Variants in ERBB3 observed in about 807,000 individuals in gnomAD.
ERBB3 encodes the protein erb-b2 receptor tyrosine kinase 3, also known as receptor tyrosine-protein kinase erbB-3.
ERBB3 carries 96 observed loss-of-function variants against 156.7 expected under a neutral mutation model. The ratio of observed to expected loss-of-function variants is 0.61; its 90% CI spans 0.52 to 0.73. ERBB3 has a LOEUF of 0.73. Ranked by LOEUF, ERBB3 falls within the 30% of genes least tolerant of loss-of-function variation. The pLI, the probability that ERBB3 is intolerant of heterozygous loss-of-function variation, is 0.00. For missense variants in ERBB3, 1,406 were observed against 1,709.4 expected, an observed-to-expected ratio of 0.82 and a Z score of 3.13; for synonymous variants, 567 against 632.0, an observed-to-expected ratio of 0.90 and a Z score of 1.54.
At chr12:56,096,077 T>C (rs1363431051) in intron 17 of ERBB3, 4 of 555,726 alleles carry the variant, frequency 7.2e-6, no homozygotes, top group African/African-American at 5.6e-5. Flanking sequence ...AAGTTACTTA[T>C]CTTCTCTGTG....
At chr12:56,089,064 A>G (rs767623719) in intron 9 of ERBB3, 196 bp downstream of exon 9, 67 of 701,900 alleles carry the variant, frequency 9.5e-5, no homozygotes, top group Non-Finnish European at 1.5e-4. Flanking sequence ...ATCTTTGAGC[A>G]ATTCAATATC....
chr12:56,085,206 G>A, intron 3 of ERBB3, 25 bp downstream of exon 3: 1 of 1,614,106 alleles, frequency 6.2e-7, no homozygotes, highest in Non-Finnish European at 8.5e-7. Flanking sequence ...GTTCCTTCTG[G>A]CCTCACCCCT....
Position 56,088,590 on chromosome 12 carries a change from G to A in ERBB3, c.922G>A (p.Asp308Asn), listed in dbSNP as rs2136797175. The A allele has an allele frequency of 6.2e-7, 1 of 1,614,112 alleles. No individual in the cohort carries two copies. The highest frequency in any genetic ancestry group is 1.1e-5 in the South Asian group (1 of 91,050). ...ATCCTGTGTCAGGGCCTGTCCTCCT[G>A]ACAAGATGGAAGTAGATAAAAATGG... is the stretch of plus-strand genomic sequence containing the variant. ...QTSCVRACPP[D>N]KMEVDKNGLK... Residue 308 changes from aspartate to asparagine, a missense_variant, in exon 8 of 28, where the codon GAC becomes AAC. Asp to Asn is a conservative substitution (Grantham distance 23, BLOSUM62 1). This residue lies in a region of ERBB3 where 979 missense variants were observed against 1,219.6 expected (regional missense o/e 0.80). Transcript: ENST00000267101.
chr12:56,091,249 A>G (rs1464126379), intron 9 of ERBB3, among the ~76,000 whole-genome samples: 2 of 30,194 alleles, frequency 6.6e-5, no homozygotes, highest in African/African-American at 3.2e-4. Context: ...GGTGCATGCC[A>G]CCATGCTTGG....
At chr12:56,088,919 A>C (rs1868576918) in intron 9 of ERBB3, 51 bp downstream of exon 9, 1 of 1,612,146 alleles carries the variant, frequency 6.2e-7, no homozygotes. Flanking sequence ...CACCCCTCAC[A>C]GTTCATTTCA....
In ERBB3 at chr12:56,101,944, T is replaced by C. The variant is rs1293227667; in HGVS notation, c.3918T>C (p.His1306=). ...QGPGHQAPHV[H]YARLKTLRSL... ...CTGGACATCAGGCCCCCCATGTCCA[T>C]TATGCCCGCCTAAAAACTCTACGTA... The change falls in exon 28 of 28, where the codon CAT becomes CAC. Residue 1306 remains histidine (H), a synonymous_variant. Coordinates refer to ENST00000267101, the MANE Select transcript of ERBB3 (RefSeq NM_001982.4). 6.2e-7 allele frequency: 1 copy of C among 1,613,444 alleles called. No homozygotes were observed. The highest frequency in any genetic ancestry group is 8.5e-7 in the Non-Finnish European group (1 of 1,179,760).
In ERBB3 at chr12:56,102,975, A is replaced by G. The variant is rs896752052; in HGVS notation, c.*920A>G. 22 of 231,006 alleles carry G rather than the reference A, an allele frequency of 9.5e-5. No individual in the cohort carries two copies. The highest frequency in any genetic ancestry group is 1.3e-3 in the Middle Eastern group (1 of 794). The allele number at this position is 231,006 out of a possible 1,614,324, so 14.3% of individuals were successfully genotyped here. On this transcript the variant is annotated 3_prime_UTR_variant, in exon 28 of 28. Transcript: ENST00000267101. ...GACACTGTCTCTACAGGGGAAAAAA[A>G]AAAAAGAAACTGAGCCTTAAAGAGA...
In ERBB3 at chr12:56,097,806, C is replaced by G. The variant is rs1868938273; in HGVS notation, c.2482C>G (p.His828Asp). ...ACAGGGAATGTACTACCTTGAGGAA[C>G]ATGGTATGGTGCATAGAAACCTGGC... is the stretch of plus-strand genomic sequence containing the variant. ...IAKGMYYLEE[H>D]GMVHRNLAAR... is the part of the protein sequence containing the mutation. Residue 828 changes from histidine to aspartate, a missense_variant, in exon 21 of 28, where the codon CAT becomes GAT. Physicochemically the swap from His to Asp is moderately conservative, Grantham distance 81. Transcript: ENST00000267101. 2 of 1,613,968 alleles carry G rather than the reference C, an allele frequency of 1.2e-6. No individual in the cohort carries two copies. The highest frequency in any genetic ancestry group is 1.7e-6 in the Non-Finnish European group (2 of 1,179,978).
At chr12:56,100,368 G>A (rs551020295) in intron 26 of ERBB3, 123 bp downstream of exon 26, 8 of 836,292 alleles carry the variant, frequency 9.6e-6, no homozygotes, top group South Asian at 2.7e-5. Flanking sequence ...AGGGCCGGGC[G>A]AGTTGGCTCA....
At chr12:56,088,275 T>A in intron 7 of ERBB3, 113 bp downstream of exon 7, 1 of 1,222,854 alleles carries the variant, frequency 8.2e-7, no homozygotes, top group Non-Finnish European at 1.2e-6. Flanking sequence ...GATTGGTGAA[T>A]GGTTATGATC....
Position 56,093,492 on chromosome 12 carries a change from T to G in ERBB3, c.1422T>G (p.Leu474=). The G allele has an allele frequency of 3.1e-6, 5 of 1,613,940 alleles. No homozygotes were observed. The highest frequency in any genetic ancestry group is 4.2e-6 in the Non-Finnish European group (5 of 1,179,954). The change falls in exon 12 of 28, where the codon CTT becomes CTG. Residue 474 remains leucine (L), a synonymous_variant. Coordinates refer to ENST00000267101, the MANE Select transcript of ERBB3 (RefSeq NM_001982.4). ...ACTCTTTGAACTGGACCAAGGTGCT[T>G]CGGGGGCCTACGGAAGAGCGACTAG... ...YHHSLNWTKV[L]RGPTEERLDI... is the part of the protein sequence containing the mutation.
Position 56,091,040 on chromosome 12 carries a change from G to A in ERBB3, c.1110-1707G>A, listed in dbSNP as rs1257589508. ...GATATTCTTGATGAGTATAGATTAG[G>A]TAATGGGCAGCATGTTCTTCAGTTT... On this transcript the variant is annotated intron_variant, in intron 9 of 27. Coordinates refer to ENST00000267101, the MANE Select transcript of ERBB3 (RefSeq NM_001982.4). Among the ~76,000 whole-genome samples the A allele has an allele frequency of 1.3e-5, 2 of 150,946 alleles. 1 individual carries two copies. The highest frequency in any genetic ancestry group is 4.9e-5 in the African/African-American group (2 of 40,998).
In ERBB3 at chr12:56,093,368, T is replaced by A; in HGVS notation, c.1298T>A (p.Met433Lys). Residue 433 changes from methionine (M) to lysine (K), a missense_variant, in exon 12 of 28, where the codon ATG becomes AAG. Coordinates refer to ENST00000267101, the MANE Select transcript of ERBB3 (RefSeq NM_001982.4). ...LYNRGFSLLI[M>K]KNLNVTSLGF... ...AGCCGGGGCTTCTCATTGTTGATCA[T>A]GAAGAACTTGAATGTCACATCTCTG... 6.2e-7 allele frequency: 1 copy of A among 1,614,002 alleles called. No homozygotes were observed. Among genetic ancestry groups the A allele is most frequent in the Non-Finnish European group, 8.5e-7 (1 of 1,179,988 alleles).
chr12:56,097,821 A>G lies in ERBB3; in HGVS notation c.2497A>G (p.Arg833Gly), dbSNP rs1210627214. 1 of 1,614,104 alleles carries G rather than the reference A, an allele frequency of 6.2e-7. No homozygotes were observed. The highest frequency in any genetic ancestry group is 1.1e-5 in the South Asian group (1 of 91,086). The change falls in exon 21 of 28, where the codon AGA becomes GGA. Residue 833 changes from arginine (R) to glycine (G), a missense_variant. Arg to Gly is a moderately radical substitution (Grantham distance 125, BLOSUM62 -2). Around this residue, in one of 3 missense-constraint regions of ERBB3, gnomAD observed 979 missense variants for 1,219.6 expected, o/e 0.80. Transcript: ENST00000267101. ...YYLEEHGMVH[R>G]NLAARNVLLK... ...CCTTGAGGAACATGGTATGGTGCATAGAAACCTGGCTGCCCGAAACGTGCT... is the reference window on the plus strand; with the variant it reads ...CCTTGAGGAACATGGTATGGTGCATGGAAACCTGGCTGCCCGAAACGTGCT...
chr12:56,094,673 C>G (rs1054139090), intron 15 of ERBB3, 117 bp downstream of exon 15: 1 of 1,257,314 alleles, frequency 8.0e-7, no homozygotes, highest in East Asian at 2.5e-5. Flanking sequence ...CCCAGCTGGC[C>G]GGGCGCAGTG....
intron 16 of ERBB3, 29 bp downstream of exon 16, chr12:56,095,339 TG>T: frequency 6.3e-7 from 1 of 1,582,856 alleles, no homozygotes; most frequent in Non-Finnish European, 8.7e-7. Flanking sequence ...TTCTGGAAAC[TG>T]GGGATATTTG....
intron 21 of ERBB3, chr12:56,098,228 C>A (rs1054881282): frequency 1.3e-5 from 7 of 534,630 alleles, no homozygotes; most frequent in African/African-American, 6.4e-5. Flanking sequence ...CACGGTGAAA[C>A]CCCGTCTCTA....
At position 56,087,846 on chromosome 12, in the gene ERBB3, A is replaced by G. The variant is rs767977511; in HGVS notation, c.665A>G (p.Asn222Ser). ...TGTAATGGTCACTGCTTTGGGCCCA[A>G]CCCCAACCAGTGCTGCCATGATGAG... The part of the protein sequence containing the change: ...PQCNGHCFGP[N>S]PNQCCHDECA... The change falls in exon 6 of 28, where the codon AAC becomes AGC. Residue 222 changes from asparagine to serine, a missense_variant. Around this residue, in one of 3 missense-constraint regions of ERBB3, gnomAD observed 979 missense variants for 1,219.6 expected, o/e 0.80. Transcript: ENST00000267101. 1.1e-5 allele frequency: 17 copies of G among 1,613,630 alleles called. No individual in the cohort carries two copies. The highest frequency in any genetic ancestry group is 1.4e-5 in the Non-Finnish European group (17 of 1,179,898).
chr12:56,084,486 TG>T (rs1213155911), intron 2 of ERBB3, among the ~76,000 whole-genome samples: 1 of 151,648 alleles, frequency 6.6e-6, no homozygotes, highest in African/African-American at 2.4e-5. Flanking sequence ...GGCATGCACC[TG>T]TAGTCCCAGC....
Sources: allele counts gnomAD v4.1 joint callset (sites outside exome capture counted in the v4.1 genomes callset), GRCh38; gene constraint gnomAD v4.1.1; regional missense constraint gnomAD v4.1.1; transcripts MANE v1.5; gene names NCBI Gene and HGNC (gene_info 2026-07-23, HGNC 2026-07-21).